Variants in RAB44 observed in about 807,000 individuals in gnomAD.
RAB44 encodes ras-related protein Rab-44.
A neutral mutation model predicts 93.3 loss-of-function variants in RAB44; 67 were observed. The observed-to-expected ratio is 0.72, with a 90% CI of 0.59 to 0.88. The LOEUF is 0.88. Among genes scored for constraint, RAB44 ranks in the 40% least tolerant of loss-of-function variants. The probability of loss-of-function intolerance (pLI) is 0.00; values close to 1 mark genes in which losing one functional copy is unlikely to be tolerated. For synonymous variants in RAB44, 427 were observed against 520.3 expected, an observed-to-expected ratio of 0.82 and a Z score of 2.44; for missense variants, 1,064 against 1,261.7, an observed-to-expected ratio of 0.84 and a Z score of 2.37.
At chr6:36,707,856 G>C (rs377428883) in intron 2 of RAB44, among the ~76,000 whole-genome samples, 11 of 152,188 alleles carry the variant, frequency 7.2e-5, no homozygotes. Flanking sequence ...AATAATATCA[G>C]AACGGAGGAC....
In RAB44 at chr6:36,720,571, G is replaced by A. The variant is rs1033659279; in HGVS notation, c.1016+21G>A. 5 of 1,232,944 alleles carry A rather than the reference G, an allele frequency of 4.1e-6. No homozygotes were observed. The African/African-American group carries it at 7.8e-5, about 19-fold the overall frequency. The allele number at this position is 1,232,944 out of a possible 1,614,324, so 76.4% of individuals were successfully genotyped here. A position where few individuals can be genotyped will look rare whatever the true frequency, so the allele number is the denominator to read the frequency against. ...CTGAGGCAAGTGGCTGCTATCCCTG[G>A]ACTGGGGTGGACTCTAAGGGCCTCC... On this transcript the variant is annotated intron_variant, in intron 8 of 13. Transcript: ENST00000612677.
intron 2 of RAB44, among the ~76,000 whole-genome samples, chr6:36,712,500 G>T (rs985832634): frequency 6.6e-6 from 1 of 152,110 alleles, no homozygotes; most frequent in East Asian, 1.9e-4. Context: ...GAGTAGCTGG[G>T]ATTACAGGCG....
Position 36,722,251 on chromosome 6 carries a change from C to T in RAB44, c.2117C>T (p.Ala706Val), listed in dbSNP as rs550489251. ...QSVEAHGLET[A>V]HSELPQQDSL... The stretch of plus-strand genomic sequence containing the variant: ...GTTGAGGCTCACGGCCTAGAAACTG[C>T]GCATTCGGAACTCCCCCAGCAAGAC... Residue 706 changes from alanine (A) to valine (V), a missense_variant, in exon 9 of 14, where the codon GCG becomes GTG. Physicochemically the swap from Ala to Val is moderately conservative, Grantham distance 64. Transcript: ENST00000612677. The T allele has an allele frequency of 5.4e-5, 69 of 1,274,306 alleles. No individual in the cohort carries two copies. In the African/African-American group the frequency reaches 9.7e-4, roughly 18 times the overall value. 78.9% of individuals were successfully genotyped at this position (1,274,306 alleles called of 1,614,324 possible).
At chr6:36,710,015 A>G (rs1027093052) in intron 2 of RAB44, among the ~76,000 whole-genome samples, 1 of 152,246 alleles carries the variant, frequency 6.6e-6, no homozygotes, top group African/African-American at 2.4e-5. Flanking sequence ...TCCCTAACAC[A>G]ACTTTTAAAA....
At position 36,722,551 on chromosome 6, in the gene RAB44, T is replaced by C. The variant is rs775386201; in HGVS notation, c.2417T>C (p.Met806Thr). ...GAGAGCAGGCTTGAAGATCCAGGAA[T>C]GGACTCCAGGGAAGCTGGGCTGACC... ...RAESRLEDPGMDSREAGLTPS... is the reference protein window; with the variant it reads ...RAESRLEDPGTDSREAGLTPS... Residue 806 changes from methionine to threonine, a missense_variant, in exon 9 of 14, where the codon ATG becomes ACG. By Grantham distance (81) the Met-to-Thr change is moderately conservative (BLOSUM62 -1). Transcript: ENST00000612677. 5.2e-6 allele frequency: 8 copies of C among 1,546,242 alleles called. No homozygotes were observed. The highest frequency in any genetic ancestry group is 7.0e-6 in the Non-Finnish European group (8 of 1,144,456).
intron 9 of RAB44, among the ~76,000 whole-genome samples, chr6:36,724,826 C>T (rs944130095): frequency 6.6e-6 from 1 of 152,142 alleles, no homozygotes; most frequent in Non-Finnish European, 1.5e-5. Flanking sequence ...GGTTTAAATA[C>T]CACAGGAAAT....
At chr6:36,724,261 G>A (rs1298375835) in intron 9 of RAB44, among the ~76,000 whole-genome samples, 1 of 151,934 alleles carries the variant, frequency 6.6e-6, no homozygotes, top group Non-Finnish European at 1.5e-5. Context: ...TCTGCTTCCT[G>A]GGTTCAAGTG....
chr6:36,704,914 G>T (rs1395868860), intron 2 of RAB44, among the ~76,000 whole-genome samples: 2 of 152,182 alleles, frequency 1.3e-5, no homozygotes, highest in South Asian at 4.1e-4. Context: ...GAGGTCAGGA[G>T]TTCGAGACCA....
In RAB44 at chr6:36,704,401, G is replaced by A. The variant is rs1489429102; in HGVS notation, c.166G>A (p.Gly56Ser). The A allele has an allele frequency of 7.2e-6, 11 of 1,536,050 alleles. No individual in the cohort carries two copies. Among genetic ancestry groups the A allele is most frequent in the Non-Finnish European group, 8.7e-6 (10 of 1,146,906 alleles). The stretch of plus-strand genomic sequence containing the variant: ...ACTGCAGGCCTTCTTCCAGGACTGT[G>A]GTGCCAAGGAGAGGGGCTTTGTCAC... ...AELQAFFQDC[G>S]AKERGFVTRE... The change falls in exon 2 of 14, where the codon GGT becomes AGT. Residue 56 changes from glycine to serine, a missense_variant. Gly to Ser is a moderately conservative substitution (Grantham distance 56). Coordinates refer to ENST00000612677, the MANE Select transcript of RAB44 (RefSeq NM_001257357.2).
At chr6:36,711,927 CCTGT>C (rs1307155281) in intron 2 of RAB44, among the ~76,000 whole-genome samples, 1 of 151,064 alleles carries the variant, frequency 6.6e-6, no homozygotes, top group Admixed American at 6.6e-5. Context: ...GAGTTAAAGG[CCTGT>C]CTATTACAGA....
intron 9 of RAB44, among the ~76,000 whole-genome samples, chr6:36,724,794 C>T (rs540252754): frequency 3.9e-4 from 60 of 152,226 alleles, no homozygotes; most frequent in African/African-American, 1.4e-3. Context: ...TTTGCTGCCC[C>T]CCGGTGGCTA....
rs987919624 is a variant in RAB44 at position 36,732,212 on chromosome 6, T to G, written c.*119T>G. 15 of 557,754 alleles carry G rather than the reference T, an allele frequency of 2.7e-5. No homozygotes were observed. Among genetic ancestry groups the G allele is most frequent in the Non-Finnish European group, 3.5e-5 (13 of 371,932 alleles). The allele number at this position is 557,754 out of a possible 1,614,324, so 34.6% of individuals were successfully genotyped here. A position where few individuals can be genotyped will look rare whatever the true frequency, so the allele number is the denominator to read the frequency against. On this transcript the variant is annotated 3_prime_UTR_variant, in exon 14 of 14. Coordinates refer to ENST00000612677, the MANE Select transcript of RAB44 (RefSeq NM_001257357.2). ...CCAGCTTGGAGGTTCAGGAAAACCCTTCTCAACTCAGGACTCGGATCCCAG... is the reference window on the plus strand; with the variant it reads ...CCAGCTTGGAGGTTCAGGAAAACCCGTCTCAACTCAGGACTCGGATCCCAG...
At chr6:36,713,071 G>A (rs1475702444) in intron 2 of RAB44, among the ~76,000 whole-genome samples, 1 of 152,240 alleles carries the variant, frequency 6.6e-6, no homozygotes, top group Non-Finnish European at 1.5e-5. Flanking sequence ...TGCCAGAGGA[G>A]CCCACTGGGC....
chr6:36,715,431 C>T, intron 3 of RAB44, 48 bp from the exon 4 acceptor site: 2 of 1,520,052 alleles, frequency 1.3e-6, no homozygotes, highest in Non-Finnish European at 1.8e-6. Flanking sequence ...GGCCAGGCGT[C>T]TGGGCCCAAC....
chr6:36,713,959 G>A lies in RAB44; in HGVS notation c.319+20G>A. The A allele has an allele frequency of 1.4e-6, 2 of 1,453,326 alleles. No individual in the cohort carries two copies. Among genetic ancestry groups the A allele is most frequent in the African/African-American group, 1.4e-5 (1 of 71,400 alleles). The allele number at this position is 1,453,326 out of a possible 1,614,324, so 90.0% of individuals were successfully genotyped here. ...GACTCAGTATGTCTGTCTTTGGAGG[G>A]CCTCTGGGCACCCAGGTGTTCCGTG... is the stretch of plus-strand genomic sequence containing the variant. On this transcript the variant is annotated intron_variant, in intron 3 of 13. Coordinates refer to ENST00000612677, the MANE Select transcript of RAB44 (RefSeq NM_001257357.2).
At chr6:36,726,917 C>T (rs1202356973) in intron 10 of RAB44, among the ~76,000 whole-genome samples, 1 of 150,032 alleles carries the variant, frequency 6.7e-6, no homozygotes. Context: ...TCTTGTGCCT[C>T]AGCCTCCTGA....
chr6:36,723,414 A>G (rs1286167287), intron 9 of RAB44, among the ~76,000 whole-genome samples: 1 of 152,174 alleles, frequency 6.6e-6, no homozygotes, highest in African/African-American at 2.4e-5. Context: ...GGTTGTTATT[A>G]TTATTATAAG....
rs560431930 is a variant in RAB44, at chr6:36,709,504, C to T, written c.208-4324C>T. On this transcript the variant is annotated intron_variant, in intron 2 of 13. Coordinates refer to ENST00000612677, the MANE Select transcript of RAB44 (RefSeq NM_001257357.2). ...TGCAGACAAAGTTTTGTTTGTCTGTCGCTATAGCTCCTAGTAAAGCCTCAA... is the reference window on the plus strand; with the variant it reads ...TGCAGACAAAGTTTTGTTTGTCTGTTGCTATAGCTCCTAGTAAAGCCTCAA... Among the ~76,000 whole-genome samples the T allele has an allele frequency of 9.8e-4, 149 of 152,148 alleles. 1 individual carries two copies. The highest frequency in any genetic ancestry group is 1.8e-3 in the Non-Finnish European group (125 of 68,032).
At position 36,719,640 on chromosome 6, in the gene RAB44, G is replaced by A. The variant is rs149956776; in HGVS notation, c.829-723G>A. On this transcript the variant is annotated intron_variant, in intron 7 of 13. Coordinates refer to ENST00000612677, the MANE Select transcript of RAB44 (RefSeq NM_001257357.2). ...AACAGGGAAGGGGGATAGAAGAGTC[G>A]TAGGAGTTGAAATCGTAGTCAAAGT... Among the ~76,000 whole-genome samples, 383 of 152,332 alleles carry A rather than the reference G, an allele frequency of 2.5e-3. 3 individuals are homozygous for A. Among genetic ancestry groups the A allele is most frequent in the African/African-American group, 8.5e-3 (355 of 41,572 alleles).
Sources: allele counts gnomAD v4.1 joint callset (sites outside exome capture counted in the v4.1 genomes callset), GRCh38; gene constraint gnomAD v4.1.1; transcripts MANE v1.5; gene names NCBI Gene and HGNC (gene_info 2026-07-23, HGNC 2026-07-21).